The following C1QTNF6 variants were observed in gnomAD, a reference collection of about 807,000 sequenced individuals.
The protein encoded by C1QTNF6 is complement C1q tumor necrosis factor-related protein 6.
Under a neutral mutation model 20.7 loss-of-function variants are expected in C1QTNF6, and 17 were observed. That is an observed-to-expected ratio of 0.82 (90% confidence interval 0.56 to 1.23). The LOEUF is 1.23. Among genes scored for constraint, C1QTNF6 ranks in the 50% most tolerant of loss-of-function variants. The pLI, the probability that C1QTNF6 is intolerant of heterozygous loss-of-function variation, is 0.00. For missense variants in C1QTNF6, 329 were observed against 389.7 expected (o/e 0.84, Z 1.31); for synonymous variants, 130 against 156.3 (o/e 0.83, Z 1.25).
chr22:37,190,007 C>T (rs1924707407), upstream of C1QTNF6, among the ~76,000 whole-genome samples: 1 of 152,134 alleles, frequency 6.6e-6, no homozygotes, highest in Admixed American at 6.5e-5. Context: ...GATACTGATC[C>T]AGATTTTTAT....
chr22:37,193,237 C>G (rs757999883), upstream of C1QTNF6, among the ~76,000 whole-genome samples: 2 of 152,182 alleles, frequency 1.3e-5, no homozygotes, highest in Non-Finnish European at 2.9e-5. Context: ...CCCCAAAAGT[C>G]AAAACTGTCA....
intron 2 of C1QTNF6, among the ~76,000 whole-genome samples, chr22:37,194,450 C>A (rs1460607632): frequency 6.6e-6 from 1 of 152,158 alleles, no homozygotes; most frequent in African/African-American, 2.4e-5. Context: ...CAAGAGAGGC[C>A]AGAAGCCTGA....
chr22:37,195,983 C>G (rs1380425349), intron 1 of C1QTNF6: 2 of 152,100 alleles, frequency 1.3e-5, no homozygotes, highest in Non-Finnish European at 2.9e-5. Flanking sequence ...CCAGTCCTGC[C>G]GACTCCCATC....
upstream of C1QTNF6, among the ~76,000 whole-genome samples, chr22:37,190,273 T>C (rs1312893613): frequency 1.3e-5 from 2 of 152,370 alleles, no homozygotes; most frequent in Middle Eastern, 3.4e-3. Context: ...CTTGGCTTCA[T>C]TATTTGCATA....
rs780825228 is a variant in C1QTNF6, at chr22:37,185,198, C to T, written c.289+20G>A. 6.5e-6 allele frequency: 10 copies of T among 1,529,778 alleles called. No homozygotes were observed. In the South Asian group the frequency reaches 1.3e-4, roughly 20 times the overall value. The allele number at this position is 1,529,778 out of a possible 1,614,324, so 94.8% of individuals were successfully genotyped here. ...CTGGCCCTCCCTGCCCACTACCAGG[C>T]CCCACAGGAGGGCACTCACCCTTCA... On this transcript the variant is annotated intron_variant, in intron 2 of 2. Coordinates refer to ENST00000337843, the MANE Select transcript of C1QTNF6 (RefSeq NM_031910.4).
Position 37,182,235 on chromosome 22 carries a change from T to A in C1QTNF6, c.790A>T (p.Thr264Ser). 1 of 1,613,996 alleles carries A rather than the reference T, an allele frequency of 6.2e-7. No individual in the cohort carries two copies. Among genetic ancestry groups the A allele is most frequent in the Non-Finnish European group, 8.5e-7 (1 of 1,179,940 alleles). The stretch of plus-strand genomic sequence containing the variant: ...AGGTGGCCGCTGAAGGTGATGTAGG[T>A]GTCGAAGTCGTTGCTGTAGATGGCG... ...ENAIYSNDFDTYITFSGHLIK... is the reference protein window; with the variant it reads ...ENAIYSNDFDSYITFSGHLIK... The change falls in exon 3 of 3, where the codon ACC becomes TCC. Residue 264 changes from threonine to serine, a missense_variant. Physicochemically the swap from Thr to Ser is moderately conservative, Grantham distance 58. Transcript: ENST00000337843.
upstream of C1QTNF6, among the ~76,000 whole-genome samples, chr22:37,189,170 T>A (rs1019013558): frequency 6.6e-6 from 1 of 152,220 alleles, no homozygotes; most frequent in Non-Finnish European, 1.5e-5. Context: ...TAGGCTGTCT[T>A]GGTGCTGGTA....
At chr22:37,193,228 C>T (rs570223883), upstream of C1QTNF6, among the ~76,000 whole-genome samples, 1 of 152,268 alleles carries the variant, frequency 6.6e-6, no homozygotes, top group South Asian at 2.1e-4. Context: ...TTCTGATATC[C>T]CCAAAAGTCA....
intron 2 of C1QTNF6, among the ~76,000 whole-genome samples, chr22:37,183,828 G>C (rs1924016824): frequency 6.6e-6 from 1 of 152,230 alleles, no homozygotes; most frequent in Admixed American, 6.5e-5. Flanking sequence ...GGAAAGGAAG[G>C]AGTGGAGGGT....
At chr22:37,185,057 G>A (rs913893550) in intron 2 of C1QTNF6, among the ~76,000 whole-genome samples, 161 bp downstream of exon 2, 1 of 151,520 alleles carries the variant, frequency 6.6e-6, no homozygotes, top group African/African-American at 2.4e-5. Flanking sequence ...GTTTGTTCAC[G>A]CTCCGTCATC....
In C1QTNF6 at chr22:37,182,740, G is replaced by T; in HGVS notation, c.290-5C>A. ...GGCCTGGGTCCCCTTTGTCACCTGT[G>T]GGGATAAAAAGGGGACAAGTCAGGG... On this transcript the variant is annotated splice_polypyrimidine_tract_variant and splice_region_variant and intron_variant, in intron 2 of 2. Coordinates refer to ENST00000337843, the MANE Select transcript of C1QTNF6 (RefSeq NM_031910.4). The T allele has an allele frequency of 6.3e-7, 1 of 1,591,826 alleles. No homozygotes were observed. Among genetic ancestry groups the T allele is most frequent in the South Asian group, 1.1e-5 (1 of 88,578 alleles).
intron 1 of C1QTNF6, chr22:37,196,330 G>T (rs1378183988): frequency 1.3e-5 from 2 of 152,228 alleles, no homozygotes; most frequent in African/African-American, 4.8e-5. Flanking sequence ...TAGGCAGGGG[G>T]AAGTTTGGCA....
At chr22:37,197,534 T>G (rs1260820405) in intron 1 of C1QTNF6, 1 of 152,286 alleles carries the variant, frequency 6.6e-6, no homozygotes, top group East Asian at 1.9e-4. Context: ...ACAGCTCCTC[T>G]GCAGAGAAGA....
At position 37,185,415 on chromosome 22, in the gene C1QTNF6, G is replaced by A. The variant is rs201877407; in HGVS notation, c.92C>T (p.Ala31Val). 23 of 1,611,668 alleles carry A rather than the reference G, an allele frequency of 1.4e-5. 1 individual carries two copies. Among genetic ancestry groups the A allele is most frequent in the South Asian group, 1.3e-4 (12 of 90,790 alleles). ...GTAALGPVWA[A>V]LLLFLLMCEI... ...ACACATCAGGAGAAAGAGCAGGAGC[G>A]CTGCCCAGACGGGACCCAGGGCGGC... The change falls in exon 2 of 3, where the codon GCG (alanine) becomes GTG (valine). Residue 31 changes from alanine (A) to valine (V), a missense_variant. Transcript: ENST00000337843.
chr22:37,184,354 G>C lies in C1QTNF6; in HGVS notation c.289+864C>G, dbSNP rs370150192. On this transcript the variant is annotated intron_variant, in intron 2 of 2. Transcript: ENST00000337843. This position sits in a 1 kb window ranked among gnomAD's most constrained non-coding sequence, Gnocchi z 4.0. Reference sequence around the variant, plus strand: ...ATATCGACCTCACGGGCTGTTGTGGGCAGAGACGGACGCTAAGGATGTCAA... The same window carrying C: ...ATATCGACCTCACGGGCTGTTGTGGCCAGAGACGGACGCTAAGGATGTCAA... 1.5e-5 allele frequency: 11 copies of C among 717,284 alleles called. No homozygotes were observed. The highest frequency in any genetic ancestry group is 5.4e-5 in the East Asian group (2 of 37,294). The allele number at this position is 717,284 out of a possible 1,614,324, so 44.4% of individuals were successfully genotyped here. A position where few individuals can be genotyped will look rare whatever the true frequency, so the allele number is the denominator to read the frequency against.
chr22:37,182,389 G>T lies in C1QTNF6; in HGVS notation c.636C>A (p.Asn212Lys). ...CGTACAGGATGACAGCCTCTTTCTGGTTATGCATAATGTGCACGTACGTCT... is the reference window on the plus strand; with the variant it reads ...CGTACAGGATGACAGCCTCTTTCTGTTTATGCATAATGTGCACGTACGTCT... Reference protein sequence around the residue: ...YKETYVHIMHNQKEAVILYAQ... With the variant: ...YKETYVHIMHKQKEAVILYAQ... Residue 212 changes from asparagine to lysine, a missense_variant, in exon 3 of 3, where the codon AAC becomes AAA. Coordinates refer to ENST00000337843, the MANE Select transcript of C1QTNF6 (RefSeq NM_031910.4). The T allele has an allele frequency of 6.2e-7, 1 of 1,614,270 alleles. No individual in the cohort carries two copies. The highest frequency in any genetic ancestry group is 8.5e-7 in the Non-Finnish European group (1 of 1,180,038).
At chr22:37,195,037 A>G (rs551999094) in intron 2 of C1QTNF6, among the ~76,000 whole-genome samples, 16 of 152,328 alleles carry the variant, frequency 1.1e-4, no homozygotes, top group South Asian at 6.2e-4. Context: ...CATCATCTCT[A>G]AAGTTTCCCC....
chr22:37,190,450 C>T (rs187384322), upstream of C1QTNF6: 1 of 152,232 alleles, frequency 6.6e-6, no homozygotes, highest in East Asian at 1.9e-4. Context: ...CTTGAGGTCC[C>T]GAGATAACTC....
upstream of C1QTNF6, chr22:37,188,407 T>G: frequency 2.1e-6 from 1 of 486,910 alleles, no homozygotes; most frequent in South Asian, 3.4e-5. Context: ...TCTGCGGAGA[T>G]AAAGGGAGGC....
Sources: gnomAD v4.1 joint callset for allele counts (sites outside exome capture counted in the v4.1 genomes callset) on GRCh38, gnomAD v4.1.1 for gene constraint, Gnocchi (gnomAD v3.1) non-coding constraint, MANE v1.5 for transcripts, NCBI Gene and HGNC (gene_info 2026-07-23, HGNC 2026-07-21) for gene names.